Variants in GALK2 observed in about 807,000 individuals in gnomAD.
GALK2 encodes N-acetylgalactosamine kinase.
In GALK2, 36 loss-of-function variants were observed where a neutral mutation model predicts 52.4. The ratio of observed to expected loss-of-function variants is 0.69; its 90% CI spans 0.53 to 0.91. The LOEUF is 0.91. GALK2 is among the 40% of genes least tolerant of loss of function. The probability of loss-of-function intolerance (pLI) is 0.00; values close to 1 mark genes in which losing one functional copy is unlikely to be tolerated. For synonymous variants in GALK2, 176 were observed against 199.1 expected, an observed-to-expected ratio of 0.88 and a Z score of 0.98; for missense variants, 579 against 559.1, an observed-to-expected ratio of 1.04 and a Z score of -0.36.
chr15:49,336,693 C>T (rs2039773975), downstream of GALK2, among the ~76,000 whole-genome samples: 1 of 152,026 alleles, frequency 6.6e-6, no homozygotes, highest in Non-Finnish European at 1.5e-5. Flanking sequence ...TTGGTAAGTA[C>T]TTTCTAAAAA....
chr15:49,185,949 T>G (rs977552229), intron 1 of GALK2, among the ~76,000 whole-genome samples: 1 of 152,200 alleles, frequency 6.6e-6, no homozygotes, highest in African/African-American at 2.4e-5. Context: ...GCCTGTAAGG[T>G]TTCCACTGAG....
intron 5 of GALK2, among the ~76,000 whole-genome samples, chr15:49,244,880 A>G (rs1396996339): frequency 6.6e-6 from 1 of 152,180 alleles, no homozygotes. Context: ...GGTTAATCTG[A>G]TATGTTCAAC....
intron 4 of GALK2, among the ~76,000 whole-genome samples, chr15:49,237,464 TTTTTTG>T (rs969624287): frequency 5.2e-4 from 79 of 152,034 alleles, no homozygotes; most frequent in African/African-American, 1.5e-3. Context: ...TTGTTTTTGT[TTTTTTG>T]TTTTTGTTTT....
At chr15:49,291,310 G>C (rs1187765572) in intron 7 of GALK2, among the ~76,000 whole-genome samples, 1 of 152,096 alleles carries the variant, frequency 6.6e-6, no homozygotes, top group Non-Finnish European at 1.5e-5. Context: ...TTAAAAAGAG[G>C]ATTAAATTAA....
intron 5 of GALK2, among the ~76,000 whole-genome samples, chr15:49,245,414 C>T (rs550665236): frequency 1.1e-4 from 17 of 150,428 alleles, no homozygotes; most frequent in African/African-American, 3.9e-4. Flanking sequence ...ATCACTTTGG[C>T]GAAAGTAAAA....
intron 8 of GALK2, among the ~76,000 whole-genome samples, chr15:49,299,742 T>TCTTTCTTTCTTTCTTTCTTTC (rs2034854608): frequency 1.6e-4 from 17 of 107,324 alleles, no homozygotes; most frequent in African/African-American, 4.4e-4. Flanking sequence ...TTCTTTTCTT[T>TCTTTCTTTCTTTCTTTCTTTC]CTTTCTTTCT....
rs33973907 is a variant in GALK2, at chr15:49,337,508, CTTTTTTT to C, written c.426+17724_426+17730del. Among the ~76,000 whole-genome samples the C allele has an allele frequency of 9.0e-3, 326 of 36,096 alleles. 2 individuals are homozygous for C. Among genetic ancestry groups the C allele is most frequent in the African/African-American group, 0.037 (305 of 8,152 alleles). 23.7% of individuals were successfully genotyped at this position (36,096 alleles called of 152,430 possible). A position where few individuals can be genotyped will look rare whatever the true frequency, so the allele number is the denominator to read the frequency against. On this transcript the variant is annotated intron_variant, in intron 3 of 3. Coordinates refer to the GALK2 transcript ENST00000558399. ...AATGTCTGTTCATATCATTTACCCA[CTTTTTTT>C]TTTTTTTTTTTTTTTTTTTTAGTAT...
chr15:49,164,965 AG>A (rs2141156474), intron 1 of GALK2, among the ~76,000 whole-genome samples: 1 of 152,202 alleles, frequency 6.6e-6, no homozygotes, highest in African/African-American at 2.4e-5. Context: ...AATGTATACT[AG>A]ATGCAGAGTT....
intron 8 of GALK2, among the ~76,000 whole-genome samples, chr15:49,308,586 GTATT>G (rs2035738187): frequency 6.6e-6 from 1 of 152,068 alleles, no homozygotes; most frequent in African/African-American, 2.4e-5. Flanking sequence ...GCATTCTTCT[GTATT>G]TATAAACCTT....
intron 2 of GALK2, among the ~76,000 whole-genome samples, chr15:49,216,512 C>T (rs2089386885): frequency 6.6e-6 from 1 of 152,228 alleles, no homozygotes; most frequent in East Asian, 1.9e-4. Flanking sequence ...GCTGCCACAG[C>T]TGGTGTCACA....
intron 2 of GALK2, among the ~76,000 whole-genome samples, chr15:49,212,436 TTA>T (rs1004291667): frequency 2.1e-4 from 32 of 151,988 alleles, no homozygotes; most frequent in African/African-American, 6.8e-4. Flanking sequence ...TTGATTTAGT[TTA>T]TGTTTGCAAA....
rs2038803352 is a variant in GALK2, at chr15:49,331,766, G to C, written c.*3607G>C. On this transcript the variant is annotated 3_prime_UTR_variant, in exon 10 of 10. Transcript: ENST00000560031. ...GAGAGAGAATTCTCAATTATTTTCA[G>C]AAAGAAAACCTACCAGTTTATGTAG... is the stretch of plus-strand genomic sequence containing the variant. 6.6e-7 allele frequency: 1 copy of C among 1,520,350 alleles called. No homozygotes were observed. The highest frequency in any genetic ancestry group is 1.7e-5 in the Admixed American group (1 of 59,812). The allele number at this position is 1,520,350 out of a possible 1,614,324, so 94.2% of individuals were successfully genotyped here. A position where few individuals can be genotyped will look rare whatever the true frequency, so the allele number is the denominator to read the frequency against.
intron 5 of GALK2, among the ~76,000 whole-genome samples, chr15:49,271,352 G>C (rs2030573390): frequency 2.6e-5 from 4 of 152,010 alleles, no homozygotes; most frequent in Non-Finnish European, 1.5e-5. Flanking sequence ...GTATGTGTTT[G>C]CTGACTATTC....
chr15:49,187,337 A>T (rs1290673427), intron 1 of GALK2, among the ~76,000 whole-genome samples: 1 of 152,150 alleles, frequency 6.6e-6, no homozygotes, highest in African/African-American at 2.4e-5. Flanking sequence ...GGGATGGGAG[A>T]CACAAGTAGA....
intron 3 of GALK2, among the ~76,000 whole-genome samples, chr15:49,358,774 C>T (rs1385298651): frequency 3.9e-5 from 6 of 152,022 alleles, no homozygotes; most frequent in Non-Finnish European, 7.4e-5. Flanking sequence ...GAGCCTGCAT[C>T]GCCAAGTCAA....
chr15:49,328,420 TGATTTGAA>T lies in GALK2; in HGVS notation c.*267_*274del. On this transcript the variant is annotated 3_prime_UTR_variant, in exon 10 of 10. Transcript: ENST00000560031. ...TTAAGAATAACTTACTGAGATTTATTGATTTGAAGATTTTAAAGATGAATGGTAAAACA... is the reference window on the plus strand; with the variant it reads ...TTAAGAATAACTTACTGAGATTTATTGATTTTAAAGATGAATGGTAAAACA... 7.0e-7 allele frequency: 1 copy of T among 1,437,450 alleles called. No individual in the cohort carries two copies. Among genetic ancestry groups the T allele is most frequent in the Non-Finnish European group, 9.1e-7 (1 of 1,097,542 alleles). 89.0% of individuals were successfully genotyped at this position (1,437,450 alleles called of 1,614,324 possible).
chr15:49,160,496 C>G (rs2084614996), intron 1 of GALK2, among the ~76,000 whole-genome samples: 1 of 152,128 alleles, frequency 6.6e-6, no homozygotes, highest in African/African-American at 2.4e-5. Context: ...ACAAACCTCC[C>G]TGTACCTGGG....
intron 8 of GALK2, among the ~76,000 whole-genome samples, chr15:49,294,422 T>A (rs1264423876): frequency 6.6e-6 from 1 of 152,066 alleles, no homozygotes; most frequent in Non-Finnish European, 1.5e-5. Flanking sequence ...CAGGCCAAGG[T>A]TGTGGACAGA....
At chr15:49,189,848 GTTTA>G (rs1371005601) in intron 1 of GALK2, among the ~76,000 whole-genome samples, 2 of 152,106 alleles carry the variant, frequency 1.3e-5, no homozygotes, top group African/African-American at 2.4e-5. Context: ...CTTAGGAGTT[GTTTA>G]TTTCTGTATT....
Sources: allele counts gnomAD v4.1 joint callset (sites outside exome capture counted in the v4.1 genomes callset), GRCh38; gene constraint gnomAD v4.1.1; transcripts MANE v1.5; gene names NCBI Gene and HGNC (gene_info 2026-07-23, HGNC 2026-07-21).